Variants in SPTLC1 observed in about 807,000 individuals in gnomAD.
SPTLC1 encodes serine palmitoyltransferase 1.
A neutral mutation model predicts 68.9 loss-of-function variants in SPTLC1; 55 were observed. That is an observed-to-expected ratio of 0.80 (90% CI 0.64 to 1.00). The LOEUF (loss-of-function observed/expected upper bound fraction) is 1.00, where lower values mean the gene tolerates loss of function less well. SPTLC1 is among the 50% of genes least tolerant of loss of function. The pLI is 0.00. For synonymous variants in SPTLC1, 197 were observed against 201.6 expected (o/e 0.98, Z 0.19); for missense variants, 449 against 573.1 (o/e 0.78, Z 2.21).
chr9:92,086,939 T>A (rs947968152), intron 3 of SPTLC1, among the ~76,000 whole-genome samples: 1 of 151,968 alleles, frequency 6.6e-6, no homozygotes, highest in Admixed American at 6.6e-5. Context: ...GCTTTGTTTG[T>A]TTCTTTTTAT....
At chr9:92,069,441 T>C (rs180938318) in intron 5 of SPTLC1, among the ~76,000 whole-genome samples, 12 of 152,314 alleles carry the variant, frequency 7.9e-5, no homozygotes, top group Admixed American at 1.3e-4. Context: ...CGTAGGACTT[T>C]ACAACAACAC....
intron 7 of SPTLC1, among the ~76,000 whole-genome samples, 184 bp from the exon 8 acceptor site, chr9:92,055,678 G>A (rs1179287942): frequency 6.6e-6 from 1 of 152,142 alleles, no homozygotes; most frequent in South Asian, 2.1e-4. Context: ...TCTCTCAGAC[G>A]TTTTTCAGCT....
intron 3 of SPTLC1, among the ~76,000 whole-genome samples, chr9:92,090,445 C>G (rs1587590668): frequency 6.6e-6 from 1 of 152,026 alleles, no homozygotes; most frequent in East Asian, 1.9e-4. Flanking sequence ...CCTGTCTCTA[C>G]TAAAAATACA....
Position 92,049,994 on chromosome 9 carries a change from T to G in SPTLC1, c.854A>C (p.His285Pro), listed in dbSNP as rs1351692552. 1.2e-6 allele frequency: 2 copies of G among 1,613,730 alleles called. No individual in the cohort carries two copies. The highest frequency in any genetic ancestry group is 1.7e-6 in the Non-Finnish European group (2 of 1,179,622). ...ESLSFGVLGE[H>P]GRGVTEHYGI... ...ATAGTGTTCAGTGACTCCTCGGCCA[T>G]GCTCTCCTAGGACTCCAAATGAAAG... is the stretch of plus-strand genomic sequence containing the variant. The change falls in exon 9 of 15, where the codon CAT (histidine) becomes CCT (proline). Residue 285 changes from histidine (H) to proline (P), a missense_variant. This residue lies in a region of SPTLC1 where 391 missense variants were observed against 472.1 expected (regional missense o/e 0.83). Transcript: ENST00000262554.
intron 3 of SPTLC1, among the ~76,000 whole-genome samples, chr9:92,103,617 A>G (rs60827996): frequency 6.6e-6 from 1 of 152,218 alleles, no homozygotes; most frequent in Non-Finnish European, 1.5e-5. Flanking sequence ...AGGCGCATCC[A>G]GTCAGGTCAG....
At chr9:92,115,083 A>C (rs1003749937) in intron 1 of SPTLC1, 2 of 590,496 alleles carry the variant, frequency 3.4e-6, no homozygotes, top group South Asian at 2.0e-5. Flanking sequence ...GGGGACCCGG[A>C]GCATAAGAAT....
At position 92,046,004 on chromosome 9, in the gene SPTLC1, T is replaced by C. The variant is rs1833501658; in HGVS notation, c.1131A>G (p.Leu377=). ...TGAAAATATATAAAACTCACCCTTG[T>C]AAAGCTTTATGAATTTGTCCGCACT... ...KEKCGQIHKA[L]QGISGLKVVG... Residue 377 remains leucine, a synonymous_variant, in exon 12 of 15, where the codon TTA becomes TTG. Transcript: ENST00000262554. 1 of 1,613,092 alleles carries C rather than the reference T, an allele frequency of 6.2e-7. No homozygotes were observed. Among genetic ancestry groups the C allele is most frequent in the East Asian group, 2.2e-5 (1 of 44,842 alleles).
intron 4 of SPTLC1, 26 bp from the exon 5 acceptor site, chr9:92,080,114 T>G (rs1834826882): frequency 1.9e-6 from 3 of 1,573,504 alleles, no homozygotes; most frequent in South Asian, 2.2e-5. Context: ...AGAATTATAC[T>G]TTAATAATTT....
intron 3 of SPTLC1, among the ~76,000 whole-genome samples, chr9:92,096,187 G>A (rs1331106491): frequency 6.6e-6 from 1 of 152,270 alleles, no homozygotes; most frequent in East Asian, 1.9e-4. Flanking sequence ...ACAAAGCCAA[G>A]AGAATAAAAA....
rs1836389225 is a variant in SPTLC1 at position 92,114,886 on chromosome 9, C to T, written c.57+428G>A. 3 of 194,172 alleles carry T rather than the reference C, an allele frequency of 1.5e-5. No individual in the cohort carries two copies. In the South Asian group the frequency reaches 2.7e-4, roughly 18 times the overall value. 12.0% of individuals were successfully genotyped at this position (194,172 alleles called of 1,614,324 possible). On this transcript the variant is annotated intron_variant, in intron 1 of 14. Transcript: ENST00000262554. ...ATTTCTTTTCGACAAAAACAAACTC[C>T]AATTTATTACAATTTTATTCCCCAA...
At chr9:92,036,889 A>T (rs1833158769) in intron 13 of SPTLC1, among the ~76,000 whole-genome samples, 1 of 152,238 alleles carries the variant, frequency 6.6e-6, no homozygotes, top group Non-Finnish European at 1.5e-5. Flanking sequence ...CTGTCTAGAG[A>T]GTCTTCATGT....
At chr9:92,096,235 G>A (rs376643268) in intron 3 of SPTLC1, among the ~76,000 whole-genome samples, 5 of 151,952 alleles carry the variant, frequency 3.3e-5, no homozygotes, top group East Asian at 1.9e-4. Context: ...TCAAATAAAC[G>A]AACAGGTCCC....
At chr9:92,032,650 G>A (rs1380117777) in intron 14 of SPTLC1, 92 bp from the exon 15 acceptor site, 2 of 1,531,800 alleles carry the variant, frequency 1.3e-6, no homozygotes, top group Non-Finnish European at 9.0e-7. Context: ...GCCAAGGCAG[G>A]TGGATCACGA....
chr9:92,086,154 T>C (rs1422299958), intron 3 of SPTLC1, among the ~76,000 whole-genome samples: 2 of 152,094 alleles, frequency 1.3e-5, no homozygotes, highest in Non-Finnish European at 2.9e-5. Flanking sequence ...GTGAGATGGG[T>C]TTCCTGAATG....
At chr9:92,068,153 A>G in intron 5 of SPTLC1, 55 bp from the exon 6 acceptor site, 3 of 1,529,942 alleles carry the variant, frequency 2.0e-6, no homozygotes, top group Non-Finnish European at 2.7e-6. Context: ...CTTTTTCTCT[A>G]CTAAAGAACA....
At chr9:92,045,293 G>A (rs1330661261) in intron 12 of SPTLC1, among the ~76,000 whole-genome samples, 1 of 151,280 alleles carries the variant, frequency 6.6e-6, no homozygotes, top group Non-Finnish European at 1.5e-5. Flanking sequence ...CTCGGGCAAT[G>A]TGAAATCACT....
chr9:92,060,798 G>T (rs907838436), intron 6 of SPTLC1, among the ~76,000 whole-genome samples: 11 of 151,192 alleles, frequency 7.3e-5, no homozygotes, highest in African/African-American at 2.4e-4. Context: ...CTGTAGTCCG[G>T]GTTACTCGGG....
intron 5 of SPTLC1, among the ~76,000 whole-genome samples, chr9:92,070,686 G>T (rs1401252147): frequency 2.0e-5 from 3 of 152,078 alleles, no homozygotes; most frequent in African/African-American, 7.2e-5. Flanking sequence ...TGTCAAATAG[G>T]GGGGATAGTC....
chr9:92,065,950 C>T (rs962946393), intron 6 of SPTLC1, among the ~76,000 whole-genome samples: 2 of 152,082 alleles, frequency 1.3e-5, no homozygotes, highest in Non-Finnish European at 1.5e-5. Context: ...AGCGTTCCAA[C>T]GGTGAGTGGT....
Sources: allele counts gnomAD v4.1 joint callset (sites outside exome capture counted in the v4.1 genomes callset), GRCh38; gene constraint gnomAD v4.1.1; regional missense constraint gnomAD v4.1.1; transcripts MANE v1.5; gene names NCBI Gene and HGNC (gene_info 2026-07-23, HGNC 2026-07-21).